Variants in DOCK3 observed in about 807,000 individuals in gnomAD.
DOCK3 encodes dedicator of cytokinesis protein 3.
A neutral mutation model predicts 265.6 loss-of-function variants in DOCK3; 60 were observed. That is an observed-to-expected ratio of 0.23 (90% CI 0.18 to 0.28). The LOEUF (loss-of-function observed/expected upper bound fraction) is 0.28. DOCK3 is among the 10% of genes least tolerant of loss of function. The pLI is 1.00. For synonymous variants in DOCK3, 881 were observed against 938.0 expected (o/e 0.94, Z 1.11); for missense variants, 1,981 against 2,594.3 (o/e 0.76, Z 5.14).
At chr3:51,332,924 G>A (rs1361773478) in intron 33 of DOCK3, 77 bp from the exon 34 acceptor site, 3 of 1,592,268 alleles carry the variant, frequency 1.9e-6, no homozygotes, top group East Asian at 4.5e-5. Context: ...CTTGTACATG[G>A]AAATAGAAGA....
chr3:50,810,716 A>C (rs536221102), intron 2 of DOCK3, among the ~76,000 whole-genome samples: 1 of 152,206 alleles, frequency 6.6e-6, no homozygotes, highest in Admixed American at 6.5e-5. Flanking sequence ...AAAAGAGCCC[A>C]AATAGAATTT....
intron 5 of DOCK3, among the ~76,000 whole-genome samples, chr3:50,943,743 A>G (rs1302339725): frequency 6.6e-6 from 1 of 152,120 alleles, no homozygotes; most frequent in African/African-American, 2.4e-5. Flanking sequence ...GGATTATACT[A>G]CTTAATTTGC....
intron 5 of DOCK3, among the ~76,000 whole-genome samples, chr3:50,959,564 A>G (rs917372443): frequency 2.7e-4 from 40 of 150,048 alleles, no homozygotes; most frequent in Non-Finnish European, 4.0e-4. Flanking sequence ...GTGTGTATAT[A>G]TATATAAAAT....
At chr3:50,988,270 C>A (rs898409207) in intron 5 of DOCK3, among the ~76,000 whole-genome samples, 2 of 152,024 alleles carry the variant, frequency 1.3e-5, no homozygotes, top group Non-Finnish European at 2.9e-5. Context: ...TAAAATGTTG[C>A]CACACTGCTG....
chr3:50,888,174 A>T (rs181750320), intron 3 of DOCK3, among the ~76,000 whole-genome samples: 1 of 152,192 alleles, frequency 6.6e-6, no homozygotes, highest in African/African-American at 2.4e-5. Context: ...TCAGGATACA[A>T]AATCAATGTA....
At chr3:51,379,549 G>A in intron 51 of DOCK3, 2 of 985,434 alleles carry the variant, frequency 2.0e-6, no homozygotes, top group Non-Finnish European at 2.4e-6. Context: ...CCCCCCCAGT[G>A]CCTCCCCGAA....
chr3:51,280,228 C>T (rs2081039143), intron 27 of DOCK3, 24 bp downstream of exon 27: 1 of 1,604,114 alleles, frequency 6.2e-7, no homozygotes, highest in African/African-American at 1.3e-5. Flanking sequence ...CACCTTTCCT[C>T]TGGGAGAGGA....
chr3:50,761,651 A>T (rs886443320), intron 1 of DOCK3, among the ~76,000 whole-genome samples: 1 of 152,150 alleles, frequency 6.6e-6, no homozygotes, highest in African/African-American at 2.4e-5. Context: ...CTGCACTTTA[A>T]TCTTCTTTTG....
intron 5 of DOCK3, among the ~76,000 whole-genome samples, chr3:51,063,937 G>A (rs991047166): frequency 6.6e-6 from 1 of 152,176 alleles, no homozygotes; most frequent in Non-Finnish European, 1.5e-5. Flanking sequence ...AATCAGATGA[G>A]GCCTAGAAAT....
intron 10 of DOCK3, among the ~76,000 whole-genome samples, chr3:51,155,349 A>G (rs974008959): frequency 2.0e-5 from 3 of 152,166 alleles, no homozygotes; most frequent in Non-Finnish European, 4.4e-5. Flanking sequence ...AGATTTCTGA[A>G]CAAGATTATC....
At chr3:51,162,818 A>T (rs1047593447) in intron 12 of DOCK3, among the ~76,000 whole-genome samples, 1 of 152,168 alleles carries the variant, frequency 6.6e-6, no homozygotes, top group African/African-American at 2.4e-5. Context: ...CTTCTTATGG[A>T]TGGTCTGTGT....
chr3:50,714,471 C>A (rs1197494942), intron 1 of DOCK3, among the ~76,000 whole-genome samples: 4 of 152,070 alleles, frequency 2.6e-5, no homozygotes, highest in African/African-American at 9.7e-5. Context: ...ATGTCTCTGA[C>A]TACTTCTTTT....
chr3:50,753,714 G>A (rs1179163790), intron 1 of DOCK3, among the ~76,000 whole-genome samples: 1 of 151,988 alleles, frequency 6.6e-6, no homozygotes, highest in Non-Finnish European at 1.5e-5. Context: ...AGGCATTTAT[G>A]GGAATCTATT....
intron 5 of DOCK3, among the ~76,000 whole-genome samples, chr3:51,041,185 TATATATATATATATA>T (rs1559977597): frequency 9.3e-4 from 14 of 15,070 alleles, no homozygotes; most frequent in Non-Finnish European, 1.6e-3. Context: ...TATATATATA[TATATATATATATATA>T]TATATTTTTT....
At chr3:51,045,599 A>C (rs2080746875) in intron 5 of DOCK3, among the ~76,000 whole-genome samples, 1 of 152,174 alleles carries the variant, frequency 6.6e-6, no homozygotes, top group Non-Finnish European at 1.5e-5. Flanking sequence ...TGTGAAGCTC[A>C]ATAAAGTGAA....
At chr3:50,811,966 G>T (rs1156785800) in intron 2 of DOCK3, among the ~76,000 whole-genome samples, 1 of 152,204 alleles carries the variant, frequency 6.6e-6, no homozygotes, top group African/African-American at 2.4e-5. Context: ...AGAGAGGGTG[G>T]ACAAGCAAGA....
chr3:51,300,203 G>A (rs765238111), intron 27 of DOCK3, among the ~76,000 whole-genome samples: 1 of 151,776 alleles, frequency 6.6e-6, no homozygotes, highest in East Asian at 1.9e-4. Flanking sequence ...TCATGATTTG[G>A]CTCTCTCCTT....
chr3:51,205,642 G>A (rs1444547152), intron 12 of DOCK3, among the ~76,000 whole-genome samples: 1 of 152,102 alleles, frequency 6.6e-6, no homozygotes, highest in African/African-American at 2.4e-5. Context: ...GGTGAAGGCT[G>A]CAGTGACCAG....
chr3:51,335,253 A>G (rs2084784460), intron 35 of DOCK3, among the ~76,000 whole-genome samples: 1 of 152,084 alleles, frequency 6.6e-6, no homozygotes, highest in South Asian at 2.1e-4. Flanking sequence ...AAAAAAAGAA[A>G]AAGCCAAAAA....
Sources: gnomAD v4.1 joint callset for allele counts (sites outside exome capture counted in the v4.1 genomes callset) on GRCh38, gnomAD v4.1.1 for gene constraint, MANE v1.5 for transcripts, NCBI Gene and HGNC (gene_info 2026-07-23, HGNC 2026-07-21) for gene names.